The following PCCA variants were observed in gnomAD, a reference collection of about 807,000 sequenced individuals.
PCCA encodes propionyl-CoA carboxylase subunit alpha, also known as propionyl-CoA carboxylase alpha chain, mitochondrial.
Under a neutral mutation model 101.3 loss-of-function variants are expected in PCCA, and 74 were observed. The ratio of observed to expected loss-of-function variants is 0.73; its 90% CI spans 0.61 to 0.89. The LOEUF is 0.89. Ranked by LOEUF, PCCA falls within the 40% of genes least tolerant of loss-of-function variation. The pLI, the probability that PCCA is intolerant of heterozygous loss-of-function variation, is 0.00. For synonymous variants in PCCA, 294 were observed against 313.6 expected, an observed-to-expected ratio of 0.94 and a Z score of 0.66; for missense variants, 891 against 907.0, an observed-to-expected ratio of 0.98 and a Z score of 0.23.
At chr13:100,277,839 A>G (rs2063775320) in intron 12 of PCCA, among the ~76,000 whole-genome samples, 1 of 152,180 alleles carries the variant, frequency 6.6e-6, no homozygotes, top group Non-Finnish European at 1.5e-5. Flanking sequence ...ATAATCACCA[A>G]AATTTTAATC....
At chr13:100,416,045 A>C (rs192915117) in intron 19 of PCCA, among the ~76,000 whole-genome samples, 2 of 152,308 alleles carry the variant, frequency 1.3e-5, no homozygotes, top group African/African-American at 4.8e-5. Context: ...AGGAAAATCG[A>C]ATGTTCCAAA....
chr13:100,474,932 GTT>G (rs1295282137), intron 21 of PCCA, among the ~76,000 whole-genome samples: 1 of 152,134 alleles, frequency 6.6e-6, no homozygotes, highest in African/African-American at 2.4e-5. Context: ...AGTGGGTTTT[GTT>G]TCTTGTTTTT....
At chr13:100,207,097 G>T (rs1020787414) in intron 6 of PCCA, among the ~76,000 whole-genome samples, 3 of 151,968 alleles carry the variant, frequency 2.0e-5, no homozygotes, top group African/African-American at 7.2e-5. Flanking sequence ...TTGTTTTTTT[G>T]GTAAACTATC....
At chr13:100,178,948 G>T (rs1435757617) in intron 6 of PCCA, among the ~76,000 whole-genome samples, 1 of 151,332 alleles carries the variant, frequency 6.6e-6, no homozygotes, top group Non-Finnish European at 1.5e-5. Context: ...GTGGTGGCAG[G>T]CGCCTGTAAT....
At chr13:100,101,050 G>A (rs1366279153) in intron 1 of PCCA, among the ~76,000 whole-genome samples, 2 of 152,028 alleles carry the variant, frequency 1.3e-5, no homozygotes, top group Admixed American at 6.6e-5. Flanking sequence ...TGATCTGCCC[G>A]CCTCAGCCTC....
At chr13:100,298,492 C>T (rs2065740574) in intron 12 of PCCA, among the ~76,000 whole-genome samples, 1 of 152,088 alleles carries the variant, frequency 6.6e-6, no homozygotes, top group Non-Finnish European at 1.5e-5. Context: ...CATTTTTCTT[C>T]TAAGTGGGAC....
intron 19 of PCCA, among the ~76,000 whole-genome samples, chr13:100,422,413 C>T (rs1400224229): frequency 6.6e-6 from 1 of 152,168 alleles, no homozygotes; most frequent in African/African-American, 2.4e-5. Flanking sequence ...GCTGGGCTTA[C>T]AGGCGTGAGC....
intron 21 of PCCA, among the ~76,000 whole-genome samples, chr13:100,470,283 A>G (rs1435760759): frequency 6.6e-6 from 1 of 152,138 alleles, no homozygotes; most frequent in Non-Finnish European, 1.5e-5. Context: ...TTTATCAAGT[A>G]TCTTCAGAGA....
intron 20 of PCCA, among the ~76,000 whole-genome samples, chr13:100,435,382 A>G (rs2079855451): frequency 6.6e-6 from 1 of 152,200 alleles, no homozygotes; most frequent in Admixed American, 6.5e-5. Context: ...CGAGAATCAC[A>G]TTTCAGCAAG....
At chr13:100,215,440 A>G (rs1301134103) in intron 7 of PCCA, among the ~76,000 whole-genome samples, 1 of 152,180 alleles carries the variant, frequency 6.6e-6, no homozygotes, top group Non-Finnish European at 1.5e-5. Flanking sequence ...AACATAAGAG[A>G]AAAAGACTGC....
In PCCA at chr13:100,340,220, C is replaced by T. The variant is rs1465638925; in HGVS notation, c.1604C>T (p.Ala535Val). 1 of 1,609,890 alleles carries T rather than the reference C, an allele frequency of 6.2e-7. No individual in the cohort carries two copies. The highest frequency in any genetic ancestry group is 8.5e-7 in the Non-Finnish European group (1 of 1,176,164). Residue 535 changes from alanine to valine, a missense_variant, in exon 18 of 24, where the codon GCA becomes GTA. By Grantham distance (64) the Ala-to-Val change is moderately conservative (BLOSUM62 0). Coordinates refer to ENST00000376285, the MANE Select transcript of PCCA (RefSeq NM_000282.4). ...LLAIASSLFV[A>V]FQLRAQHFQE... is the part of the protein sequence containing the mutation. ...GCAATAGCATCATCATTGTTTGTGG[C>T]ATTCCAGTTAAGAGCACAACATTTT...
chr13:100,194,806 C>T (rs1294617010), intron 6 of PCCA, among the ~76,000 whole-genome samples: 1 of 152,144 alleles, frequency 6.6e-6, no homozygotes, highest in Non-Finnish European at 1.5e-5. Flanking sequence ...TTCTTTTTCA[C>T]TCTTAGTTCA....
intron 21 of PCCA, among the ~76,000 whole-genome samples, chr13:100,455,454 T>C (rs1446596411): frequency 6.6e-6 from 1 of 152,228 alleles, no homozygotes; most frequent in Non-Finnish European, 1.5e-5. Context: ...AAACTTGATA[T>C]ACATAGAATT....
At position 100,522,052 on chromosome 13, in the gene PCCA, G is replaced by A. The variant is rs562542618; in HGVS notation, c.2041-5623G>A. On this transcript the variant is annotated intron_variant, in intron 22 of 23. Transcript: ENST00000376285. ...GTGATTTGGTGCTCACTCTTGCATC[G>A]AAACAGTTGCGGTCTGAACAGGCAG... Among the ~76,000 whole-genome samples, 14 of 152,248 alleles carry A rather than the reference G, an allele frequency of 9.2e-5. No homozygotes were observed. In the East Asian group the frequency reaches 9.6e-4, roughly 10 times the overall value.
At chr13:100,507,781 C>T (rs111362167) in intron 21 of PCCA, among the ~76,000 whole-genome samples, 39,099 of 151,974 alleles carry the variant, frequency 0.26, 5,679 homozygotes, top group Middle Eastern at 0.37. Flanking sequence ...CTCAGCCTCC[C>T]GAGCAGCTAG....
Position 100,160,160 on chromosome 13 carries a change from C to T in PCCA, c.468+2820C>T, listed in dbSNP as rs144365774. Among the ~76,000 whole-genome samples, 205 of 152,160 alleles carry T rather than the reference C, an allele frequency of 1.3e-3. 1 individual carries two copies. The highest frequency in any genetic ancestry group is 4.6e-3 in the African/African-American group (192 of 41,508). On this transcript the variant is annotated intron_variant, in intron 6 of 23. Coordinates refer to ENST00000376285, the MANE Select transcript of PCCA (RefSeq NM_000282.4). ...CTGATAATTTTTTATGCTGAGTTTA[C>T]GCGAAGTGGGATTGGATTTTATACA... is the stretch of plus-strand genomic sequence containing the variant.
chr13:100,193,193 C>T (rs988438699), intron 6 of PCCA, among the ~76,000 whole-genome samples: 8 of 152,132 alleles, frequency 5.3e-5, no homozygotes, highest in African/African-American at 1.2e-4. Flanking sequence ...AGATTCAAAA[C>T]GCTGGTTTGT....
intron 22 of PCCA, among the ~76,000 whole-genome samples, chr13:100,524,612 C>G (rs918354931): frequency 2.0e-5 from 3 of 152,184 alleles, no homozygotes; most frequent in African/African-American, 7.2e-5. Flanking sequence ...TGGCACACAT[C>G]TGTAACCCCA....
chr13:100,148,045 G>T (rs1189385761), intron 4 of PCCA, among the ~76,000 whole-genome samples: 1 of 152,022 alleles, frequency 6.6e-6, no homozygotes, highest in Non-Finnish European at 1.5e-5. Flanking sequence ...AGCCTCCTAA[G>T]CCGTGGGGAC....
Sources: allele counts gnomAD v4.1 joint callset (sites outside exome capture counted in the v4.1 genomes callset), GRCh38; gene constraint gnomAD v4.1.1; transcripts MANE v1.5; gene names NCBI Gene and HGNC (gene_info 2026-07-23, HGNC 2026-07-21).